ABCG2: variants seen among roughly 807,000 people sequenced by gnomAD.
ABCG2 encodes the protein broad substrate specificity ATP-binding cassette transporter ABCG2.
ABCG2 carries 80 observed loss-of-function variants against 73.5 expected under a neutral mutation model. That is an observed-to-expected ratio of 1.09 (90% confidence interval 0.91 to 1.31). The LOEUF is 1.31. Among genes scored for constraint, ABCG2 ranks in the 50% most tolerant of loss-of-function variants. The pLI is 0.00. For missense variants in ABCG2, 796 were observed against 786.2 expected, an observed-to-expected ratio of 1.01 and a Z score of -0.15; for synonymous variants, 269 against 282.4, an observed-to-expected ratio of 0.95 and a Z score of 0.48.
At chr4:88,103,889 C>T (rs1722608729) in intron 10 of ABCG2, among the ~76,000 whole-genome samples, 1 of 152,204 alleles carries the variant, frequency 6.6e-6, no homozygotes, top group African/African-American at 2.4e-5. Context: ...CATGTTGTTG[C>T]AAATGACAAA....
At chr4:88,166,714 T>C (rs1727535538) in intron 1 of ABCG2, among the ~76,000 whole-genome samples, 1 of 152,170 alleles carries the variant, frequency 6.6e-6, no homozygotes. Context: ...AGATAAATTC[T>C]AGGGTACAGT....
At position 88,207,955 on chromosome 4, in the gene ABCG2, A is replaced by G. The variant is rs531365319; in HGVS notation, c.-20+23039T>C. On this transcript the variant is annotated intron_variant, in intron 1 of 15. Transcript: ENST00000515655. The stretch of plus-strand genomic sequence containing the variant: ...TTTTAGAAATCAATATAAGATAACT[A>G]AAGTTGTAAATTTAAGACTCTGCTT... Among the ~76,000 whole-genome samples the G allele has an allele frequency of 1.3e-4, 20 of 152,314 alleles. No individual in the cohort carries two copies. In the South Asian group the frequency reaches 3.5e-3, roughly 27 times the overall value.
chr4:88,107,115 T>A, intron 10 of ABCG2, 69 bp downstream of exon 10: 1 of 1,183,728 alleles, frequency 8.4e-7, no homozygotes, highest in Non-Finnish European at 1.2e-6. Context: ...ATTCAAATTC[T>A]TAATGGATTT....
At chr4:88,103,334 AAC>A (rs1404483826) in intron 10 of ABCG2, among the ~76,000 whole-genome samples, 6 of 152,250 alleles carry the variant, frequency 3.9e-5, no homozygotes, top group Admixed American at 3.9e-4. Context: ...ATTTATTTTA[AAC>A]ACAGTTTTTT....
At chr4:88,221,523 G>C (rs984762420) in intron 1 of ABCG2, among the ~76,000 whole-genome samples, 1 of 152,184 alleles carries the variant, frequency 6.6e-6, no homozygotes, top group African/African-American at 2.4e-5. Context: ...TAGAAGACAG[G>C]AGGATGTGGG....
intron 1 of ABCG2, among the ~76,000 whole-genome samples, chr4:88,141,769 G>A (rs752077096): frequency 1.3e-5 from 2 of 152,040 alleles, no homozygotes; most frequent in Admixed American, 6.6e-5. Context: ...AAATTGCCAG[G>A]CATGCCAAAA....
At chr4:88,154,627 G>A (rs557087786) in intron 1 of ABCG2, among the ~76,000 whole-genome samples, 32 of 152,236 alleles carry the variant, frequency 2.1e-4, no homozygotes, top group African/African-American at 5.3e-4. Context: ...GGAAATATGC[G>A]GAAATGGGGT....
At chr4:88,159,825 T>A (rs1471383240), upstream of ABCG2, among the ~76,000 whole-genome samples, 1 of 152,144 alleles carries the variant, frequency 6.6e-6, no homozygotes, top group East Asian at 1.9e-4. Flanking sequence ...TTAAAAGAAT[T>A]TTAAGGTATA....
intron 9 of ABCG2, among the ~76,000 whole-genome samples, chr4:88,110,932 T>TA (rs1344868428): frequency 2.0e-5 from 3 of 152,216 alleles, no homozygotes; most frequent in Admixed American, 6.5e-5. Flanking sequence ...GTCCTATTCT[T>TA]AATCTAAGAG....
At chr4:88,197,472 T>G (rs1010649564) in intron 1 of ABCG2, among the ~76,000 whole-genome samples, 2 of 151,370 alleles carry the variant, frequency 1.3e-5, no homozygotes, top group Non-Finnish European at 2.9e-5. Context: ...ATAAATTACC[T>G]GGGCATGGTG....
At chr4:88,118,621 G>A (rs142927130) in intron 6 of ABCG2, among the ~76,000 whole-genome samples, 1 of 152,138 alleles carries the variant, frequency 6.6e-6, no homozygotes, top group Non-Finnish European at 1.5e-5. Flanking sequence ...ACAAGTTTGA[G>A]AACTAACTAT....
chr4:88,180,832 C>T (rs1728205245), intron 1 of ABCG2, among the ~76,000 whole-genome samples: 1 of 152,024 alleles, frequency 6.6e-6, no homozygotes, highest in South Asian at 2.1e-4. Flanking sequence ...AGGTACAAAA[C>T]TTACTGGTAA....
At chr4:88,203,249 C>A (rs1729249988) in intron 1 of ABCG2, among the ~76,000 whole-genome samples, 1 of 152,016 alleles carries the variant, frequency 6.6e-6, no homozygotes, top group Non-Finnish European at 1.5e-5. Context: ...GATGAAAGAA[C>A]TGAGGGAAAG....
At chr4:88,196,669 T>G (rs200736692) in intron 1 of ABCG2, among the ~76,000 whole-genome samples, 1 of 151,756 alleles carries the variant, frequency 6.6e-6, no homozygotes, top group East Asian at 1.9e-4. Flanking sequence ...TTCTGATTCA[T>G]AAATTATTAT....
At position 88,158,623 on chromosome 4, in the gene ABCG2, T is replaced by C. The variant is rs1727116016; in HGVS notation, c.-257A>G. The C allele has an allele frequency of 2.2e-6, 1 of 456,216 alleles. No individual in the cohort carries two copies. The highest frequency in any genetic ancestry group is 4.4e-6 in the Non-Finnish European group (1 of 226,964). The allele number at this position is 456,216 out of a possible 1,614,324, so 28.3% of individuals were successfully genotyped here. On this transcript the variant is annotated 5_prime_UTR_variant, in exon 1 of 16. Transcript: ENST00000237612. ...TCCTTGCCGCGTCTCTCAATCTCAGTGGGAGTGGCGGGCACTGCCTCTTCC... is the reference window on the plus strand; with the variant it reads ...TCCTTGCCGCGTCTCTCAATCTCAGCGGGAGTGGCGGGCACTGCCTCTTCC...
intron 1 of ABCG2, among the ~76,000 whole-genome samples, chr4:88,216,011 T>C (rs942044182): frequency 1.8e-4 from 28 of 152,258 alleles, no homozygotes; most frequent in African/African-American, 6.7e-4. Flanking sequence ...TATTTCTTTG[T>C]TATGGGGGCT....
intron 1 of ABCG2, among the ~76,000 whole-genome samples, chr4:88,212,462 C>A (rs1214482029): frequency 6.6e-6 from 1 of 152,150 alleles, no homozygotes; most frequent in Non-Finnish European, 1.5e-5. Context: ...AGCACTCTGG[C>A]CTCTGACTAC....
chr4:88,146,963 G>C (rs941210278), intron 1 of ABCG2, among the ~76,000 whole-genome samples: 2 of 122,284 alleles, frequency 1.6e-5, no homozygotes, highest in African/African-American at 3.0e-5. Flanking sequence ...GGGAGGGAGG[G>C]AACAGGAGAA....
At chr4:88,153,303 T>G (rs966994861) in intron 1 of ABCG2, among the ~76,000 whole-genome samples, 4 of 151,980 alleles carry the variant, frequency 2.6e-5, no homozygotes, top group Admixed American at 2.0e-4. Flanking sequence ...GACAAGTTTT[T>G]GGGGGCGCAG....
Sources: allele counts gnomAD v4.1 joint callset (sites outside exome capture counted in the v4.1 genomes callset), GRCh38; gene constraint gnomAD v4.1.1; transcripts MANE v1.5; gene names NCBI Gene and HGNC (gene_info 2026-07-23, HGNC 2026-07-21).